RUFY4: variants seen among roughly 807,000 people sequenced by gnomAD.
RUFY4 encodes the protein RUN and FYVE domain-containing protein 4.
In RUFY4, 73 loss-of-function variants were observed where a neutral mutation model predicts 69.0. The observed-to-expected ratio is 1.06, with a 90% CI of 0.88 to 1.29. RUFY4 has a LOEUF of 1.29. RUFY4 is among the 50% of genes most tolerant of loss of function. The pLI is 0.00. For missense variants in RUFY4, 770 were observed against 705.6 expected (o/e 1.09, Z -1.03); for synonymous variants, 287 against 271.8 (o/e 1.06, Z -0.55).
In RUFY4 at chr2:218,072,886, G is replaced by T; in HGVS notation, c.386+1G>T. 1 of 1,522,122 alleles carries T rather than the reference G, an allele frequency of 6.6e-7. No individual in the cohort carries two copies. Among genetic ancestry groups the T allele is most frequent in the Non-Finnish European group, 8.8e-7 (1 of 1,140,066 alleles). 94.3% of individuals were successfully genotyped at this position (1,522,122 alleles called of 1,614,324 possible). A position where few individuals can be genotyped will look rare whatever the true frequency, so the allele number is the denominator to read the frequency against. On this transcript the variant is annotated splice_donor_variant, in intron 4 of 10. Transcript: ENST00000344321. LOFTEE classifies it high-confidence loss of function. ...GCCTCCTGAACTCAGAGCTCACCAG[G>T]TGGGGCTGTTGGGACATCCTCCTGC...
chr2:218,046,139 AT>A (rs1291591733), intron 2 of RUFY4, among the ~76,000 whole-genome samples: 3 of 151,844 alleles, frequency 2.0e-5, no homozygotes, highest in African/African-American at 7.3e-5. Flanking sequence ...ATGTATAGTG[AT>A]CAGATCAGGG....
At chr2:218,038,776 T>C (rs759780191) in intron 2 of RUFY4, among the ~76,000 whole-genome samples, 7 of 152,188 alleles carry the variant, frequency 4.6e-5, no homozygotes, top group Non-Finnish European at 1.0e-4. Context: ...TCCGATTCAT[T>C]TGCCCTTTTC....
chr2:218,071,537 C>T (rs548319831), intron 2 of RUFY4, among the ~76,000 whole-genome samples: 8 of 152,212 alleles, frequency 5.3e-5, no homozygotes, highest in Middle Eastern at 3.4e-3. Flanking sequence ...TTTCAACACA[C>T]GTGCCACACA....
chr2:218,042,801 A>C (rs1193247619), intron 2 of RUFY4, among the ~76,000 whole-genome samples: 1 of 152,160 alleles, frequency 6.6e-6, no homozygotes, highest in Non-Finnish European at 1.5e-5. Flanking sequence ...TTATAGGGAG[A>C]TAAAACTTCA....
At chr2:218,070,260 T>A (rs1689452572), upstream of RUFY4, 3 of 342,672 alleles carry the variant, frequency 8.8e-6, no homozygotes, top group Middle Eastern at 1.0e-3. Flanking sequence ...ATAAAAGACT[T>A]ACCCTCTCCA....
rs188963507 is a variant in RUFY4, at chr2:218,054,858, C to T, written c.-1157-3737C>T. Among the ~76,000 whole-genome samples, 327 of 152,256 alleles carry T rather than the reference C, an allele frequency of 2.1e-3. 4 individuals carry two copies. The highest frequency in any genetic ancestry group is 7.3e-3 in the African/African-American group (304 of 41,542). On this transcript the variant is annotated intron_variant and NMD_transcript_variant, in intron 2 of 13. Transcript: ENST00000457754. ...AGGTGAAAACATTTGCTTATTCTTC[C>T]TACTTGATCCTTCTAAAATTTGGAA...
intron 4 of RUFY4, 120 bp from the exon 7 acceptor site, chr2:218,073,123 C>A (rs1025018364): frequency 7.6e-7 from 1 of 1,312,014 alleles, no homozygotes; most frequent in Non-Finnish European, 1.0e-6. Flanking sequence ...TGGGGAACAG[C>A]CTCATGACGG....
intron 3 of RUFY4, among the ~76,000 whole-genome samples, chr2:218,062,405 C>CAA (rs58667428): frequency 0.034 from 3,403 of 101,226 alleles, 147 homozygotes; most frequent in African/African-American, 0.1. Flanking sequence ...GACTCCGTCT[C>CAA]AAAAAAAAAA....
chr2:218,075,512 T>A, exon 7 of RUFY4: 2 of 1,571,464 alleles, frequency 1.3e-6, no homozygotes, highest in Non-Finnish European at 1.7e-6. Context: ...CAGAGTGGAG[T>A]CACGTCCAGA....
In RUFY4 at chr2:218,089,370, G is replaced by C. The variant is rs369492819; in HGVS notation, c.1613+8G>C. 1.2e-6 allele frequency: 2 copies of C among 1,611,072 alleles called. No homozygotes were observed. The highest frequency in any genetic ancestry group is 2.7e-5 in the African/African-American group (2 of 74,840). On this transcript the variant is annotated splice_region_variant and intron_variant, in intron 10 of 10. Coordinates refer to ENST00000344321, the Ensembl canonical transcript of RUFY4. ...TCGGCGGTATCCATGCAGGTAAAGG[G>C]AAGGGCACAGAATCCTCCCTCTGGG...
chr2:218,082,348 C>T lies in RUFY4; in HGVS notation c.1356-762C>T, dbSNP rs552207513. Among the ~76,000 whole-genome samples the T allele has an allele frequency of 1.0e-3, 151 of 151,486 alleles. 1 individual carries two copies. The highest frequency in any genetic ancestry group is 3.5e-3 in the African/African-American group (145 of 41,176). Reference sequence around the variant, plus strand: ...ACACACAATTATTTCCAGCTGGGCACCGACCATCCAGCCTGGGTTCCCAGG... The same window carrying T: ...ACACACAATTATTTCCAGCTGGGCATCGACCATCCAGCCTGGGTTCCCAGG... On this transcript the variant is annotated intron_variant, in intron 8 of 10. Coordinates refer to ENST00000344321, the Ensembl canonical transcript of RUFY4.
chr2:218,045,787 A>G (rs1306148384), intron 2 of RUFY4, among the ~76,000 whole-genome samples: 1 of 149,012 alleles, frequency 6.7e-6, no homozygotes, highest in African/African-American at 2.5e-5. Context: ...ATAATGATAC[A>G]TATTTATGGG....
chr2:218,038,284 G>C (rs1438158203), intron 2 of RUFY4, among the ~76,000 whole-genome samples: 1 of 151,106 alleles, frequency 6.6e-6, no homozygotes, highest in Non-Finnish European at 1.5e-5. Flanking sequence ...GCAATTATTT[G>C]TGGACAATAT....
At chr2:218,054,353 G>A (rs1378044583) in intron 2 of RUFY4, among the ~76,000 whole-genome samples, 3 of 152,114 alleles carry the variant, frequency 2.0e-5, no homozygotes, top group Non-Finnish European at 2.9e-5. Flanking sequence ...TCAGGTGCTC[G>A]AGACCAGCCT....
Position 218,075,749 on chromosome 2 carries a change from A to T in RUFY4, c.1248+9A>T. On this transcript the variant is annotated intron_variant, in intron 7 of 10. Coordinates refer to ENST00000344321, the Ensembl canonical transcript of RUFY4. Reference sequence around the variant, plus strand: ...TGCAGGACGAGATCAAGGTGAGAACAGTTGAGCTCCATACCTGGTTATTTG... The same window carrying T: ...TGCAGGACGAGATCAAGGTGAGAACTGTTGAGCTCCATACCTGGTTATTTG... The T allele has an allele frequency of 5.7e-6, 8 of 1,405,786 alleles. No homozygotes were observed. Among genetic ancestry groups the T allele is most frequent in the Non-Finnish European group, 7.4e-6 (8 of 1,076,412 alleles). The allele number at this position is 1,405,786 out of a possible 1,614,324, so 87.1% of individuals were successfully genotyped here.
At chr2:218,066,455 G>A (rs749156527), upstream of RUFY4, among the ~76,000 whole-genome samples, 30 of 152,274 alleles carry the variant, frequency 2.0e-4, no homozygotes, top group South Asian at 4.1e-4. Flanking sequence ...GATTACAGGC[G>A]TGAGCCACCA....
At chr2:218,040,019 C>A (rs562729573) in intron 2 of RUFY4, among the ~76,000 whole-genome samples, 4 of 152,296 alleles carry the variant, frequency 2.6e-5, no homozygotes, top group African/African-American at 9.6e-5. Context: ...GAAGTCTCTG[C>A]TGTAAAGTCA....
At chr2:218,066,011 G>T (rs1021196122), upstream of RUFY4, among the ~76,000 whole-genome samples, 23 of 152,084 alleles carry the variant, frequency 1.5e-4, no homozygotes, top group African/African-American at 4.8e-5. Flanking sequence ...GGGGACAAGG[G>T]GGGTGGGGAA....
chr2:218,043,375 C>T (rs1381052601), intron 2 of RUFY4, among the ~76,000 whole-genome samples: 1 of 152,064 alleles, frequency 6.6e-6, no homozygotes, highest in African/African-American at 2.4e-5. Context: ...GAAAGGAGGC[C>T]CTGGAGAAGG....
Sources: allele counts gnomAD v4.1 joint callset (sites outside exome capture counted in the v4.1 genomes callset), GRCh38; gene constraint gnomAD v4.1.1; transcripts MANE v1.5; gene names NCBI Gene and HGNC (gene_info 2026-07-23, HGNC 2026-07-21).